ERBIN: variants seen among roughly 807,000 people sequenced by gnomAD.
The protein encoded by ERBIN is densin-180-like protein.
ERBIN carries 60 observed loss-of-function variants against 158.4 expected under a neutral mutation model. The ratio of observed to expected loss-of-function variants is 0.38; its 90% confidence interval spans 0.31 to 0.47. ERBIN has a LOEUF of 0.47. Among genes scored for constraint, ERBIN ranks in the 20% least tolerant of loss-of-function variants. The pLI, the probability that ERBIN is intolerant of heterozygous loss-of-function variation, is 0.99. For synonymous variants in ERBIN, 594 were observed against 557.2 expected (o/e 1.07, Z -0.93); for missense variants, 1,610 against 1,648.0 (o/e 0.98, Z 0.40).
chr5:65,954,181 C>G (rs929687370), intron 1 of ERBIN, among the ~76,000 whole-genome samples: 1 of 152,122 alleles, frequency 6.6e-6, no homozygotes, highest in African/African-American at 2.4e-5. Context: ...TACCCCCCAC[C>G]TAGATTGTTC....
intron 21 of ERBIN, among the ~76,000 whole-genome samples, chr5:66,071,954 A>G (rs1761572560): frequency 6.6e-6 from 1 of 152,166 alleles, no homozygotes; most frequent in African/African-American, 2.4e-5. Context: ...ATGTTTTCAT[A>G]TAAGCTTTTC....
intron 21 of ERBIN, among the ~76,000 whole-genome samples, chr5:66,062,340 C>G (rs1760490790): frequency 6.6e-6 from 1 of 152,226 alleles, no homozygotes; most frequent in Non-Finnish European, 1.5e-5. Flanking sequence ...GCATCAGTTA[C>G]TGAGGCTTGT....
intron 10 of ERBIN, 103 bp from the exon 11 acceptor site, chr5:66,025,377 T>A: frequency 3.6e-6 from 3 of 842,302 alleles, no homozygotes; most frequent in Non-Finnish European, 4.0e-6. Context: ...GTTAGGAAAG[T>A]TGTTTCTAAT....
chr5:66,023,363 G>T lies in ERBIN; in HGVS notation c.671G>T (p.Gly224Val). 1 of 1,605,862 alleles carries T rather than the reference G, an allele frequency of 6.2e-7. No individual in the cohort carries two copies. Among genetic ancestry groups the T allele is most frequent in the Non-Finnish European group, 8.5e-7 (1 of 1,173,654 alleles). The change falls in exon 9 of 26, where the codon GGG becomes GTG. Residue 224 changes from glycine (G) to valine (V), a missense_variant and splice_region_variant. By Grantham distance (109) the Gly-to-Val change is moderately radical. This residue lies in a region of ERBIN where 596 missense variants were observed against 711.9 expected (regional missense o/e 0.84). Transcript: ENST00000284037. ...GCTAATAGACTGACTTTTATTCCAG[G>T]GGTATGTATATGAGATTTTAAATGG... Reference protein sequence around the residue: ...MDANRLTFIPGFIGSLKQLTY... With the variant: ...MDANRLTFIPVFIGSLKQLTY...
At chr5:65,931,395 T>C (rs1291361714) in intron 1 of ERBIN, among the ~76,000 whole-genome samples, 1 of 152,204 alleles carries the variant, frequency 6.6e-6, no homozygotes. Context: ...CTGGGACAAC[T>C]TACTTTGAGG....
At chr5:66,062,162 G>A (rs547882055) in intron 21 of ERBIN, among the ~76,000 whole-genome samples, 37 of 152,240 alleles carry the variant, frequency 2.4e-4, no homozygotes, top group African/African-American at 5.8e-4. Context: ...CATTCTCCCC[G>A]TCACTTTCAG....
At chr5:65,996,952 C>G (rs904896574) in intron 4 of ERBIN, among the ~76,000 whole-genome samples, 4 of 151,906 alleles carry the variant, frequency 2.6e-5, no homozygotes, top group African/African-American at 9.7e-5. Context: ...TGTAAAAATG[C>G]TACTGATTTT....
chr5:65,991,343 A>G (rs1751847379), intron 2 of ERBIN, among the ~76,000 whole-genome samples: 1 of 152,170 alleles, frequency 6.6e-6, no homozygotes, highest in Non-Finnish European at 1.5e-5. Flanking sequence ...ACCTCCTTAT[A>G]TTTTGTGCCT....
intron 7 of ERBIN, among the ~76,000 whole-genome samples, chr5:66,016,165 A>G (rs1158170877): frequency 6.6e-6 from 1 of 152,204 alleles, no homozygotes; most frequent in Non-Finnish European, 1.5e-5. Flanking sequence ...GATTGTGAGT[A>G]TAAGTTAAAG....
At chr5:66,035,225 G>C (rs2151182030) in intron 14 of ERBIN, among the ~76,000 whole-genome samples, 1 of 152,158 alleles carries the variant, frequency 6.6e-6, no homozygotes, top group Admixed American at 6.5e-5. Context: ...AATATCTTCA[G>C]CCCAGTTCTT....
At chr5:66,024,977 G>C (rs1756079316) in intron 10 of ERBIN, among the ~76,000 whole-genome samples, 1 of 152,024 alleles carries the variant, frequency 6.6e-6, no homozygotes, top group Admixed American at 6.5e-5. Flanking sequence ...AGTGGTTTTA[G>C]CTAAAACTAC....
chr5:66,045,607 C>T (rs569837260), intron 17 of ERBIN, among the ~76,000 whole-genome samples: 23 of 152,274 alleles, frequency 1.5e-4, no homozygotes, highest in African/African-American at 4.3e-4. Context: ...TTAAGTGCCA[C>T]GTGACTGCAC....
At chr5:66,065,590 CCTGTGTGTGTGTGTGTGTGTGT>C (rs1451370543) in intron 21 of ERBIN, among the ~76,000 whole-genome samples, 1 of 109,394 alleles carries the variant, frequency 9.1e-6, no homozygotes, top group Non-Finnish European at 1.9e-5. Flanking sequence ...TTAATTTTGA[CCTGTGTGTGTGTGTGTGTGTGT>C]GTGTGTGTGT....
intron 12 of ERBIN, 84 bp from the exon 13 acceptor site, chr5:66,026,218 A>C: frequency 1.1e-6 from 1 of 874,120 alleles, no homozygotes; most frequent in South Asian, 2.1e-5. Context: ...AGTATTTTTC[A>C]TAACTTTCAA....
chr5:66,026,260 T>TA (rs746751120), intron 12 of ERBIN, 42 bp from the exon 13 acceptor site: 1 of 1,337,296 alleles, frequency 7.5e-7, no homozygotes, highest in Non-Finnish European at 1.0e-6. Flanking sequence ...GATCAACCTG[T>TA]AGGCCAAATT....
chr5:66,059,627 G>C (rs1211608713), intron 21 of ERBIN, among the ~76,000 whole-genome samples: 1 of 152,126 alleles, frequency 6.6e-6, no homozygotes, highest in Non-Finnish European at 1.5e-5. Context: ...GTTTTCAAAG[G>C]GAATGCTTCC....
At position 66,078,417 on chromosome 5, in the gene ERBIN, T is replaced by C. The variant is rs777248926; in HGVS notation, c.4132-6T>C. On this transcript the variant is annotated splice_polypyrimidine_tract_variant and splice_region_variant and intron_variant, in intron 25 of 25. Coordinates refer to ENST00000284037, the MANE Select transcript of ERBIN (RefSeq NM_001253697.2). ...GTTTTTCCTAAAAGCATTTTTCCTC[T>C]TCTAGGCTAATGGCTACAGTTTTAT... 9 of 1,555,250 alleles carry C rather than the reference T, an allele frequency of 5.8e-6. No homozygotes were observed. Among genetic ancestry groups the C allele is most frequent in the Non-Finnish European group, 7.8e-6 (9 of 1,147,816 alleles).
At chr5:66,047,124 C>A (rs139644395) in intron 18 of ERBIN, among the ~76,000 whole-genome samples, 1 of 152,144 alleles carries the variant, frequency 6.6e-6, no homozygotes, top group Non-Finnish European at 1.5e-5. Context: ...ACCTGTTACT[C>A]CTCACTCTTT....
intron 7 of ERBIN, among the ~76,000 whole-genome samples, chr5:66,018,484 ATATTATAT>A (rs1755118805): frequency 7.6e-5 from 1 of 13,190 alleles, no homozygotes; most frequent in Non-Finnish European, 1.2e-4. Flanking sequence ...TATATATTAT[ATATTATAT>A]TATATAATAT....
Sources: allele counts gnomAD v4.1 joint callset (sites outside exome capture counted in the v4.1 genomes callset), GRCh38; gene constraint gnomAD v4.1.1; regional missense constraint gnomAD v4.1.1; transcripts MANE v1.5; gene names NCBI Gene and HGNC (gene_info 2026-07-23, HGNC 2026-07-21).